The following DNAJA2 variants were observed in gnomAD, a reference collection of about 807,000 sequenced individuals.
DNAJA2 encodes dnaJ homolog subfamily A member 2.
In DNAJA2, 6 loss-of-function variants were observed where a neutral mutation model predicts 49.3. The observed-to-expected ratio is 0.12, with a 90% CI of 0.07 to 0.24. DNAJA2 has a LOEUF of 0.24. Ranked by LOEUF, DNAJA2 falls within the 10% of genes least tolerant of loss-of-function variation. The pLI is 1.00. For synonymous variants in DNAJA2, 160 were observed against 172.7 expected, an observed-to-expected ratio of 0.93 and a Z score of 0.58; for missense variants, 347 against 516.8, an observed-to-expected ratio of 0.67 and a Z score of 3.19.
chr16:46,966,398 T>C (rs1961971002), intron 5 of DNAJA2, among the ~76,000 whole-genome samples: 1 of 152,166 alleles, frequency 6.6e-6, no homozygotes, highest in Non-Finnish European at 1.5e-5. Context: ...CTGTAGCTAC[T>C]TGTTTATGTT....
intron 6 of DNAJA2, among the ~76,000 whole-genome samples, chr16:46,960,479 C>G (rs981100915): frequency 6.6e-6 from 1 of 152,110 alleles, no homozygotes; most frequent in Non-Finnish European, 1.5e-5. Context: ...GATTTTTCAA[C>G]GCATTAAAAA....
chr16:46,967,955 T>C (rs1961995908), intron 4 of DNAJA2, 129 bp downstream of exon 4: 2 of 921,366 alleles, frequency 2.2e-6, no homozygotes, highest in Non-Finnish European at 3.2e-6. Flanking sequence ...AGTGCTGGGA[T>C]TTCAGGTGTG....
chr16:46,964,268 AG>A (rs1211918296), intron 6 of DNAJA2, among the ~76,000 whole-genome samples: 1 of 152,172 alleles, frequency 6.6e-6, no homozygotes, highest in Non-Finnish European at 1.5e-5. Flanking sequence ...ACTACTCGGG[AG>A]GCTGAGGCAG....
intron 3 of DNAJA2, among the ~76,000 whole-genome samples, chr16:46,970,163 T>C (rs1003522855): frequency 2.0e-5 from 3 of 152,178 alleles, no homozygotes; most frequent in African/African-American, 7.2e-5. Context: ...TATTGGTCCA[T>C]GAAAAAAAGA....
chr16:46,973,637 A>G lies in DNAJA2; in HGVS notation c.-65T>C, dbSNP rs536888505. 8 of 1,524,640 alleles carry G rather than the reference A, an allele frequency of 5.2e-6. No individual in the cohort carries two copies. The highest frequency in any genetic ancestry group is 1.2e-5 in the South Asian group (1 of 86,460). The allele number at this position is 1,524,640 out of a possible 1,614,324, so 94.4% of individuals were successfully genotyped here. Reference sequence around the variant, plus strand: ...GCAGACAGAGCGGAGTCGGGCCCACAAGCGGCGTCGGCGGCGGCACAGGCC... The same window carrying G: ...GCAGACAGAGCGGAGTCGGGCCCACGAGCGGCGTCGGCGGCGGCACAGGCC... On this transcript the variant is annotated 5_prime_UTR_variant, in exon 1 of 9. Coordinates refer to ENST00000317089, the MANE Select transcript of DNAJA2 (RefSeq NM_005880.4).
At chr16:46,958,211 A>T (rs1027237555) in intron 8 of DNAJA2, among the ~76,000 whole-genome samples, 1 of 151,784 alleles carries the variant, frequency 6.6e-6, no homozygotes, top group Non-Finnish European at 1.5e-5. Flanking sequence ...AGCCATGATC[A>T]TGCCACTGCA....
rs768894461 is a variant in DNAJA2, at chr16:46,957,193, G to C, written c.1075C>G (p.Pro359Ala). The C allele has an allele frequency of 2.5e-6, 4 of 1,609,002 alleles. No homozygotes were observed. Among genetic ancestry groups the C allele is most frequent in the Non-Finnish European group, 3.4e-6 (4 of 1,177,910 alleles). The stretch of plus-strand genomic sequence containing the variant: ...TCTCCAATTATGTTAGGAACTTCCG[G>C]TCTAGATGGCAGAAGATCTTCTAGT... Reference protein sequence around the residue: ...SELEDLLPSRPEVPNIIGETE... With the variant: ...SELEDLLPSRAEVPNIIGETE... The change falls in exon 9 of 9, where the codon CCG becomes GCG. Residue 359 changes from proline (P) to alanine (A), a missense_variant. Coordinates refer to ENST00000317089, the MANE Select transcript of DNAJA2 (RefSeq NM_005880.4).
intron 6 of DNAJA2, among the ~76,000 whole-genome samples, chr16:46,960,105 C>T (rs1422303449): frequency 6.6e-6 from 1 of 152,238 alleles, no homozygotes. Context: ...ACAATGGTCA[C>T]TCTTCTTGTA....
intron 6 of DNAJA2, 46 bp downstream of exon 6, chr16:46,964,565 C>T (rs1346291907): frequency 6.4e-7 from 1 of 1,559,874 alleles, no homozygotes; most frequent in Non-Finnish European, 8.7e-7. Context: ...GCAAGAAGTA[C>T]TTCTGAATAA....
At chr16:46,970,537 C>T (rs1375083482) in intron 3 of DNAJA2, among the ~76,000 whole-genome samples, 1 of 147,036 alleles carries the variant, frequency 6.8e-6, no homozygotes, top group Non-Finnish European at 1.5e-5. Context: ...GAGTTCAAGA[C>T]CAGCTTGGCC....
intron 6 of DNAJA2, among the ~76,000 whole-genome samples, chr16:46,961,444 T>C (rs1172081957): frequency 6.6e-6 from 1 of 151,826 alleles, no homozygotes; most frequent in African/African-American, 2.4e-5. Context: ...ATCCTAGCAC[T>C]TTGGGAGGCC....
At position 46,959,119 on chromosome 16, in the gene DNAJA2, C is replaced by T. The variant is rs1257117890; in HGVS notation, c.931G>A (p.Val311Ile). Residue 311 changes from valine to isoleucine, a missense_variant, in exon 8 of 9, where the codon GTA becomes ATA. Transcript: ENST00000317089. ...TGCGGCATCCCTTCACCTCGAACTA[C>T]ACGAACACACCCTATTATTTAAGAG... ...GKVIEPGCVRVVRGEGMPQYR... is the reference protein window; with the variant it reads ...GKVIEPGCVRIVRGEGMPQYR... 6.2e-7 allele frequency: 1 copy of T among 1,606,886 alleles called. No homozygotes were observed.
Position 46,971,532 on chromosome 16 carries a change from G to A in DNAJA2, c.179C>T (p.Pro60Leu). Reference protein sequence around the residue: ...ISFAYEVLSNPEKRELYDRYG... With the variant: ...ISFAYEVLSNLEKRELYDRYG... ...TCTGTCATATAACTCACGCTTCTCA[G>A]GATTTGATAGTACTTCATATGCAAA... is the stretch of plus-strand genomic sequence containing the variant. Residue 60 changes from proline to leucine, a missense_variant, in exon 3 of 9, where the codon CCT becomes CTT. Transcript: ENST00000317089. 6.2e-7 allele frequency: 1 copy of A among 1,605,696 alleles called. No individual in the cohort carries two copies. The highest frequency in any genetic ancestry group is 1.3e-5 in the African/African-American group (1 of 74,438).
intron 3 of DNAJA2, among the ~76,000 whole-genome samples, chr16:46,968,542 C>A (rs1962005811): frequency 1.3e-5 from 2 of 152,168 alleles, no homozygotes; most frequent in South Asian, 4.1e-4. Flanking sequence ...AATTATTATT[C>A]CCATTTTATG....
Position 46,957,002 on chromosome 16 carries a change from T to G in DNAJA2, c.*27A>C, listed in dbSNP as rs1961824580. 3.1e-6 allele frequency: 5 copies of G among 1,613,482 alleles called. No homozygotes were observed. The Admixed American group carries it at 8.3e-5, about 27-fold the overall frequency. On this transcript the variant is annotated 3_prime_UTR_variant, in exon 9 of 9. Coordinates refer to ENST00000317089, the MANE Select transcript of DNAJA2 (RefSeq NM_005880.4). ...AAATCAGGCAAATGTGGAAAGAAAA[T>G]CCACCTGTGCAATTTGTTTGCAGAG...
At chr16:46,967,269 T>C (rs1482540375) in intron 5 of DNAJA2, among the ~76,000 whole-genome samples, 2 of 152,036 alleles carry the variant, frequency 1.3e-5, no homozygotes, top group East Asian at 3.8e-4. Flanking sequence ...TTCCACACTT[T>C]TTTTTCCTAT....
At chr16:46,958,768 G>C (rs184421648) in intron 8 of DNAJA2, 46 of 407,312 alleles carry the variant, frequency 1.1e-4, no homozygotes, top group Non-Finnish European at 1.7e-4. Context: ...GACACAGTGA[G>C]ACTGTGTCTC....
Position 46,957,122 on chromosome 16 carries a change from T to G in DNAJA2, c.1146A>C (p.Ser382=), listed in dbSNP as rs1292807684. The change falls in exon 9 of 9, where the codon TCA becomes TCC. Residue 382 remains serine, a synonymous_variant. Transcript: ENST00000317089. ...ELQEFDSTRG[S]GGGQRREAYN... ...AGGCTTCACGCCTCTGACCACCTCC[T>G]GAGCCTCGAGTGCTATCAAATTCCT... is the stretch of plus-strand genomic sequence containing the variant. The G allele has an allele frequency of 6.2e-7, 1 of 1,614,234 alleles. No homozygotes were observed. The highest frequency in any genetic ancestry group is 1.1e-5 in the South Asian group (1 of 91,090).
chr16:46,955,944 TCTTA>T lies in DNAJA2; in HGVS notation c.*1081_*1084del, dbSNP rs1256630428. The stretch of plus-strand genomic sequence containing the variant: ...TTCATTCTTAAATTCTGAATAAGCA[TCTTA>T]CTTTTCTATAAAACATTACAGAAAC... On this transcript the variant is annotated 3_prime_UTR_variant, in exon 9 of 9. Coordinates refer to ENST00000317089, the MANE Select transcript of DNAJA2 (RefSeq NM_005880.4). 8 of 152,334 alleles carry T rather than the reference TCTTA, an allele frequency of 5.3e-5. No individual in the cohort carries two copies. Among genetic ancestry groups the T allele is most frequent in the Admixed American group, 2.0e-4 (3 of 15,296 alleles). The allele number at this position is 152,334 out of a possible 1,614,324, so 9.4% of individuals were successfully genotyped here.
Sources: gnomAD v4.1 joint callset for allele counts (sites outside exome capture counted in the v4.1 genomes callset) on GRCh38, gnomAD v4.1.1 for gene constraint, MANE v1.5 for transcripts, NCBI Gene and HGNC (gene_info 2026-07-23, HGNC 2026-07-21) for gene names.